TMEM178B: variants seen among roughly 807,000 people sequenced by gnomAD.
TMEM178B encodes the protein transmembrane protein 178B.
In TMEM178B, 5 loss-of-function variants were observed where a neutral mutation model predicts 31.0. The observed-to-expected ratio is 0.16, with a 90% CI of 0.08 to 0.34. The LOEUF (loss-of-function observed/expected upper bound fraction) is 0.34, where lower values mean the gene tolerates loss of function less well. Among genes scored for constraint, TMEM178B ranks in the 10% least tolerant of loss-of-function variants. The pLI is 1.00. For missense variants in TMEM178B, 275 were observed against 400.3 expected (o/e 0.69, Z 2.67); for synonymous variants, 164 against 164.0 (o/e 1.00, Z 0.00).
chr7:141,227,355 G>A (rs944866547), intron 2 of TMEM178B, among the ~76,000 whole-genome samples: 1 of 152,220 alleles, frequency 6.6e-6, no homozygotes, highest in African/African-American at 2.4e-5. Flanking sequence ...GCATTAGATG[G>A]AAGAGCAGCA....
At chr7:141,508,634 T>A in the TMEM178B span, among the ~76,000 whole-genome samples, 1 of 152,206 alleles carries the variant, frequency 6.6e-6, no homozygotes, top group Admixed American at 6.5e-5. Context: ...TGGGGAGGCC[T>A]CAGAATCATG....
chr7:141,111,315 A>G lies in TMEM178B; in HGVS notation c.382+36623A>G, dbSNP rs372812977. On this transcript the variant is annotated intron_variant, in intron 1 of 3. Coordinates refer to ENST00000565468, the MANE Select transcript of TMEM178B (RefSeq NM_001195278.2). ...CAGGACAGGAAAAACCACCCCCCCAAGATTTGGTTACCTCCCACTGGGTCC... is the reference window on the plus strand; with the variant it reads ...CAGGACAGGAAAAACCACCCCCCCAGGATTTGGTTACCTCCCACTGGGTCC... Among the ~76,000 whole-genome samples the G allele has an allele frequency of 3.7e-4, 57 of 152,218 alleles. No homozygotes were observed. In the South Asian group the frequency reaches 5.6e-3, roughly 15 times the overall value.
rs555400080 is a variant in TMEM178B, at chr7:141,461,329, G to C, written c.635-9207G>C. 1.3e-5 allele frequency among the ~76,000 whole-genome samples: 2 copies of C among 152,216 alleles called. No individual in the cohort carries two copies. Among genetic ancestry groups the C allele is most frequent in the South Asian group, 4.1e-4 (2 of 4,832 alleles). ...CTCTCTCCACATAGCAACAAGAGAGGAAGCCAGGATTGGGGATCCGCAGAC... is the reference window on the plus strand; with the variant it reads ...CTCTCTCCACATAGCAACAAGAGAGCAAGCCAGGATTGGGGATCCGCAGAC... On this transcript the variant is annotated intron_variant, in intron 3 of 3. Transcript: ENST00000565468. This position sits in a 1 kb window ranked among gnomAD's most constrained non-coding sequence, Gnocchi z 4.0.
At chr7:141,271,448 G>T (rs752246519) in intron 2 of TMEM178B, among the ~76,000 whole-genome samples, 3 of 152,268 alleles carry the variant, frequency 2.0e-5, no homozygotes, top group South Asian at 2.1e-4. Flanking sequence ...TAGGAGCTGG[G>T]CAAGGGTGAA....
chr7:141,095,121 A>G (rs750137175), intron 1 of TMEM178B, among the ~76,000 whole-genome samples: 2 of 152,204 alleles, frequency 1.3e-5, no homozygotes, highest in East Asian at 1.9e-4. Flanking sequence ...TTGAGAAGGT[A>G]TGGATGTCAT....
intron 2 of TMEM178B, among the ~76,000 whole-genome samples, chr7:141,292,999 T>C (rs1225612972): frequency 6.6e-6 from 1 of 152,024 alleles, no homozygotes; most frequent in African/African-American, 2.4e-5. Flanking sequence ...CCTGCAATAG[T>C]GAGATTGCCA....
chr7:141,250,261 T>C (rs1797808180), intron 2 of TMEM178B, among the ~76,000 whole-genome samples: 2 of 152,240 alleles, frequency 1.3e-5, no homozygotes, highest in Admixed American at 1.3e-4. Context: ...ACAGCACTCA[T>C]GCACTGATTT....
intron 2 of TMEM178B, among the ~76,000 whole-genome samples, chr7:141,398,478 G>A (rs1357403056): frequency 1.3e-5 from 2 of 152,118 alleles, no homozygotes; most frequent in Non-Finnish European, 2.9e-5. Flanking sequence ...GCAGTGAACA[G>A]CACATCCCCT....
At chr7:141,449,794 G>C (rs1801830928) in intron 3 of TMEM178B, among the ~76,000 whole-genome samples, 1 of 152,214 alleles carries the variant, frequency 6.6e-6, no homozygotes, top group African/African-American at 2.4e-5. Flanking sequence ...CACTGCAGAT[G>C]ATGCACCCCT....
At chr7:141,387,109 A>C (rs181496499) in intron 2 of TMEM178B, among the ~76,000 whole-genome samples, 1 of 152,258 alleles carries the variant, frequency 6.6e-6, no homozygotes, top group African/African-American at 2.4e-5. Flanking sequence ...TTTCTCCCAA[A>C]TCTCAAATTT....
Position 141,082,158 on chromosome 7 carries a change from C to T in TMEM178B, c.382+7466C>T, listed in dbSNP as rs190518493. Among the ~76,000 whole-genome samples, 16 of 152,294 alleles carry T rather than the reference C, an allele frequency of 1.1e-4. No individual in the cohort carries two copies. The South Asian group carries it at 1.5e-3, about 14-fold the overall frequency. On this transcript the variant is annotated intron_variant, in intron 1 of 3. Coordinates refer to ENST00000565468, the MANE Select transcript of TMEM178B (RefSeq NM_001195278.2). The stretch of plus-strand genomic sequence containing the variant: ...GATGTCTGCATGACGACAAAATCGC[C>T]TAACGATGCATTTCTCAGAACATAT...
At chr7:141,429,338 C>CACACAT (rs1189249809) in intron 2 of TMEM178B, among the ~76,000 whole-genome samples, 1 of 144,800 alleles carries the variant, frequency 6.9e-6, no homozygotes, top group Non-Finnish European at 1.5e-5. Context: ...CACACACACA[C>CACACAT]ACTCATACAA....
intron 2 of TMEM178B, among the ~76,000 whole-genome samples, chr7:141,222,211 A>G (rs1216056654): frequency 6.6e-6 from 1 of 152,242 alleles, no homozygotes; most frequent in Non-Finnish European, 1.5e-5. Context: ...TTAGTTGAAT[A>G]CAACAGCATG....
Position 141,420,308 on chromosome 7 carries a change from C to T in TMEM178B, c.497-17300C>T, listed in dbSNP as rs186301838. Among the ~76,000 whole-genome samples, 35 of 152,268 alleles carry T rather than the reference C, an allele frequency of 2.3e-4. No homozygotes were observed. The East Asian group carries it at 5.2e-3, about 23-fold the overall frequency. Reference sequence around the variant, plus strand: ...TAGGTCCACTGCTTCACCTCTTGCACACAGCAGCTGCTTGAGAAACATGCA... The same window carrying T: ...TAGGTCCACTGCTTCACCTCTTGCATACAGCAGCTGCTTGAGAAACATGCA... On this transcript the variant is annotated intron_variant, in intron 2 of 3. Coordinates refer to ENST00000565468, the MANE Select transcript of TMEM178B (RefSeq NM_001195278.2).
intron 2 of TMEM178B, among the ~76,000 whole-genome samples, chr7:141,302,049 C>T (rs1023606586): frequency 6.6e-6 from 1 of 152,016 alleles, no homozygotes; most frequent in African/African-American, 2.4e-5. Context: ...TTTGGGGAGA[C>T]AAAAACTTCT....
intron 2 of TMEM178B, among the ~76,000 whole-genome samples, chr7:141,428,051 C>G (rs575561539): frequency 2.8e-4 from 42 of 152,166 alleles, no homozygotes; most frequent in South Asian, 1.7e-3. Context: ...CCTGTGAATG[C>G]CAGGTGACCA....
intron 2 of TMEM178B, among the ~76,000 whole-genome samples, chr7:141,285,718 A>T (rs1379208685): frequency 6.6e-6 from 1 of 152,202 alleles, no homozygotes; most frequent in African/African-American, 2.4e-5. Flanking sequence ...GATAGATTGG[A>T]TAAAGAAAAT....
intron 2 of TMEM178B, among the ~76,000 whole-genome samples, chr7:141,372,597 A>T (rs1262763237): frequency 6.6e-6 from 1 of 152,136 alleles, no homozygotes; most frequent in African/African-American, 2.4e-5. Context: ...GGGGACAATC[A>T]CATAGAACCT....
chr7:141,129,734 G>C (rs1014767137), intron 1 of TMEM178B, among the ~76,000 whole-genome samples: 1 of 152,154 alleles, frequency 6.6e-6, no homozygotes, highest in Non-Finnish European at 1.5e-5. Flanking sequence ...AGGTGCCCAG[G>C]GTGGTTAAGG....
Sources: allele counts gnomAD v4.1 joint callset (sites outside exome capture counted in the v4.1 genomes callset), GRCh38; gene constraint gnomAD v4.1.1; non-coding constraint Gnocchi (gnomAD v3.1); transcripts MANE v1.5; gene names NCBI Gene and HGNC (gene_info 2026-07-23, HGNC 2026-07-21).